Variants in RGS11 observed in about 807,000 individuals in gnomAD.
RGS11 encodes regulator of G-protein signaling 11.
In RGS11, 86 loss-of-function variants were observed where a neutral mutation model predicts 71.1. That is an observed-to-expected ratio of 1.21 (90% CI 1.02 to 1.45). The LOEUF is 1.45. RGS11 is among the 40% of genes most tolerant of loss of function. RGS11 has a pLI of 0.00. For missense variants in RGS11, 734 were observed against 635.1 expected, an observed-to-expected ratio of 1.16 and a Z score of -1.67; for synonymous variants, 298 against 254.2, an observed-to-expected ratio of 1.17 and a Z score of -1.64.
chr16:271,666 C>T, intron 9 of RGS11, 97 bp from the exon 10 acceptor site: 1 of 1,207,186 alleles, frequency 8.3e-7, no homozygotes, highest in Non-Finnish European at 1.2e-6. Flanking sequence ...AGCCCCTGCC[C>T]CATAGATCTG....
chr16:275,657 AG>A (rs1567243090), intron 1 of RGS11, 159 bp from the exon 2 acceptor site: 4 of 107,678 alleles, frequency 3.7e-5, no homozygotes, highest in Non-Finnish European at 6.1e-5. Context: ...CGGGCCGGGG[AG>A]GGCCGGGGAG....
chr16:270,851 G>A lies in RGS11; in HGVS notation c.980-20C>T, dbSNP rs757933239. On this transcript the variant is annotated intron_variant, in intron 13 of 16. Coordinates refer to ENST00000397770, the MANE Select transcript of RGS11 (RefSeq NM_183337.3). ...TTTCTCCTGGGGGGCCGGGCACCCA[G>A]TCAAGGATCCCATCGAGAGTGGCAG... is the stretch of plus-strand genomic sequence containing the variant. 3 of 1,607,142 alleles carry A rather than the reference G, an allele frequency of 1.9e-6. No individual in the cohort carries two copies. The highest frequency in any genetic ancestry group is 2.5e-6 in the Non-Finnish European group (3 of 1,177,554).
At chr16:274,152 G>T in intron 5 of RGS11, 51 bp from the exon 6 acceptor site, 6 of 1,578,824 alleles carry the variant, frequency 3.8e-6, no homozygotes, top group East Asian at 2.4e-5. Context: ...CCTGCCTCAC[G>T]GCATCACCCT....
chr16:271,627 C>G, intron 9 of RGS11, 58 bp from the exon 10 acceptor site: 1 of 1,562,246 alleles, frequency 6.4e-7, no homozygotes, highest in South Asian at 1.1e-5. Context: ...GGTCCAAAAT[C>G]CCCAGCAGGA....
intron 6 of RGS11, 100 bp from the exon 7 acceptor site, chr16:273,936 C>A: frequency 6.8e-7 from 1 of 1,471,670 alleles, no homozygotes; most frequent in East Asian, 2.3e-5. Flanking sequence ...GTTTTGGGGC[C>A]TGGGCTGTAT....
intron 8 of RGS11, 52 bp downstream of exon 8, chr16:273,423 G>T (rs1262479275): frequency 2.9e-6 from 4 of 1,401,328 alleles, no homozygotes; most frequent in South Asian, 1.3e-5. Flanking sequence ...AGGGAAGCAC[G>T]CTGACCCCTG....
At chr16:275,657 A>T in intron 1 of RGS11, 159 bp from the exon 2 acceptor site, 1 of 107,664 alleles carries the variant, frequency 9.3e-6, no homozygotes, top group African/African-American at 1.9e-4. Context: ...CGGGCCGGGG[A>T]GGGCCGGGGA....
intron 7 of RGS11, 32 bp from the exon 8 acceptor site, chr16:273,588 C>T: frequency 6.5e-7 from 1 of 1,545,554 alleles, no homozygotes; most frequent in East Asian, 2.4e-5. Context: ...GAGGGCACGC[C>T]CTGCACACAG....
Position 273,795 on chromosome 16 carries a change from C to G in RGS11, c.471G>C (p.Trp157Cys). Residue 157 changes from tryptophan (W) to cysteine (C), a missense_variant, in exon 7 of 17, where the codon TGG becomes TGC. By Grantham distance (215) the Trp-to-Cys change is radical. Transcript: ENST00000397770. ...CCCTCGCCTGCATCAGCACCAGGTC[C>G]CATGCGTGGTTGATCTTCTTGTGTA... ...DRLHKKINHA[W>C]DLVLMQAREQ... The G allele has an allele frequency of 6.2e-7, 1 of 1,613,230 alleles. No homozygotes were observed. Among genetic ancestry groups the G allele is most frequent in the Non-Finnish European group, 8.5e-7 (1 of 1,180,006 alleles).
At chr16:272,960 G>C in intron 8 of RGS11, 29 bp from the exon 9 acceptor site, 1 of 1,472,376 alleles carries the variant, frequency 6.8e-7, no homozygotes, top group African/African-American at 1.4e-5. Flanking sequence ...ATGAGGTGGG[G>C]ATGCAGTTCC....
rs1047250974 is a variant in RGS11, at chr16:269,917, CAAAT to C, written c.1207-336_1207-333del. The C allele has an allele frequency of 1.6e-5, 4 of 253,602 alleles. No homozygotes were observed. In the Middle Eastern group the frequency reaches 3.6e-3, roughly 227 times the overall value. The allele number at this position is 253,602 out of a possible 1,614,324, so 15.7% of individuals were successfully genotyped here. On this transcript the variant is annotated intron_variant, in intron 15 of 16. Transcript: ENST00000397770. The stretch of plus-strand genomic sequence containing the variant: ...CAGAGTGAGGGCAGGGTTGTGGAGT[CAAAT>C]AAAAAAACAAGGTAGGCCACGCATG...
intron 1 of RGS11, 62 bp from the exon 2 acceptor site, chr16:275,560 G>A (rs2052135535): frequency 1.5e-6 from 2 of 1,357,566 alleles, no homozygotes; most frequent in Middle Eastern, 2.5e-4. Context: ...CCCTGGCACC[G>A]GCCGGGATGC....
chr16:271,625 A>G, intron 9 of RGS11, 56 bp from the exon 10 acceptor site: 8 of 1,555,836 alleles, frequency 5.1e-6, no homozygotes, highest in Non-Finnish European at 7.1e-6. Flanking sequence ...GGGGTCCAAA[A>G]TCCCCAGCAG....
chr16:269,506 C>G lies in RGS11; in HGVS notation c.1286G>C (p.Arg429Thr). 1 of 1,613,096 alleles carries G rather than the reference C, an allele frequency of 6.2e-7. No individual in the cohort carries two copies. The highest frequency in any genetic ancestry group is 8.5e-7 in the Non-Finnish European group (1 of 1,179,862). ...AEAGIPLEMK[R>T]RVFPFTWRPR... ...ACAGGGCACTGCCTGGGCTCACCGTCTCTTCATCTCCAGCGGGATCCCAGC... is the reference window on the plus strand; with the variant it reads ...ACAGGGCACTGCCTGGGCTCACCGTGTCTTCATCTCCAGCGGGATCCCAGC... The change falls in exon 16 of 17, where the codon AGA (arginine) becomes ACA (threonine). Residue 429 changes from arginine to threonine, a missense_variant. Physicochemically the swap from Arg to Thr is moderately conservative, Grantham distance 71. Transcript: ENST00000397770.
rs2051783097 is a variant in RGS11, at chr16:268,715, C to T, written c.*554G>A. ...TTTGGCGAGGGAGGAATAGGCGCAG[C>T]TCCGGAAGGCAGTGACCTCGAGGCA... On this transcript the variant is annotated 3_prime_UTR_variant, in exon 17 of 17. Transcript: ENST00000397770. 18 of 1,512,350 alleles carry T rather than the reference C, an allele frequency of 1.2e-5. 1 individual carries two copies. Among genetic ancestry groups the T allele is most frequent in the Non-Finnish European group, 1.6e-5 (18 of 1,120,348 alleles). The allele number at this position is 1,512,350 out of a possible 1,614,324, so 93.7% of individuals were successfully genotyped here.
Position 273,955 on chromosome 16 carries a change from G to A in RGS11, c.429+88C>T. On this transcript the variant is annotated intron_variant, in intron 6 of 16. Transcript: ENST00000397770. ...TGGGGCCTGGGCTGTATGTTCTGGGGTAAACCGTGAAGCCCCGGGGGGCCG... is the reference window on the plus strand; with the variant it reads ...TGGGGCCTGGGCTGTATGTTCTGGGATAAACCGTGAAGCCCCGGGGGGCCG... The A allele has an allele frequency of 2.0e-6, 3 of 1,465,294 alleles. No individual in the cohort carries two copies. The Admixed American group carries it at 5.4e-5, about 26-fold the overall frequency. The allele number at this position is 1,465,294 out of a possible 1,614,324, so 90.8% of individuals were successfully genotyped here. A position where few individuals can be genotyped will look rare whatever the true frequency, so the allele number is the denominator to read the frequency against.
chr16:271,187 C>T lies in RGS11; in HGVS notation c.863+15G>A. On this transcript the variant is annotated intron_variant, in intron 12 of 16. Transcript: ENST00000397770. ...GGGAGCACACCCGCAGTCCCGCTGC[C>T]CCGCCTGGGCTCACGTGGGGGCATT... The T allele has an allele frequency of 1.2e-6, 2 of 1,611,278 alleles. No individual in the cohort carries two copies. Among genetic ancestry groups the T allele is most frequent in the Non-Finnish European group, 1.7e-6 (2 of 1,178,874 alleles).
Position 275,881 on chromosome 16 carries a change from G to A in RGS11, c.31C>T (p.Arg11Cys), listed in dbSNP as rs1365672258. MAAGPAPPPG[R>C]PRAQMPHLRK... ...AGATGCGGCATCTGCGCCCGGGGGC[G>A]GCCGGGGGGCGGCGCGGGGCCGGCG... The change falls in exon 1 of 17, where the codon CGC becomes TGC. Residue 11 changes from arginine (R) to cysteine (C), a missense_variant. Coordinates refer to ENST00000397770, the MANE Select transcript of RGS11 (RefSeq NM_183337.3). 8.4e-6 allele frequency: 8 copies of A among 956,122 alleles called. No individual in the cohort carries two copies. Among genetic ancestry groups the A allele is most frequent in the Non-Finnish European group, 8.9e-6 (7 of 782,634 alleles). 59.2% of individuals were successfully genotyped at this position (956,122 alleles called of 1,614,324 possible).
Position 274,475 on chromosome 16 carries a change from C to G in RGS11, c.319-210G>C, listed in dbSNP as rs1257192669. ...TCAACTCGCTCCTTAGGGCCCTGTTCAGACACTGCCTCCCTCACTGGTCAC... is the reference window on the plus strand; with the variant it reads ...TCAACTCGCTCCTTAGGGCCCTGTTGAGACACTGCCTCCCTCACTGGTCAC... On this transcript the variant is annotated intron_variant, in intron 4 of 16. Coordinates refer to ENST00000397770, the MANE Select transcript of RGS11 (RefSeq NM_183337.3). 5 of 613,700 alleles carry G rather than the reference C, an allele frequency of 8.1e-6. No individual in the cohort carries two copies. In the East Asian group the frequency reaches 8.2e-5, roughly 10 times the overall value. The allele number at this position is 613,700 out of a possible 1,614,324, so 38.0% of individuals were successfully genotyped here.
Sources: gnomAD v4.1 joint callset for allele counts on GRCh38, gnomAD v4.1.1 for gene constraint, MANE v1.5 for transcripts, NCBI Gene and HGNC (gene_info 2026-07-23, HGNC 2026-07-21) for gene names.